DENND1B: variants seen among roughly 807,000 people sequenced by gnomAD.
DENND1B encodes DENN domain-containing protein 1B.
Under a neutral mutation model 90.1 loss-of-function variants are expected in DENND1B, and 59 were observed. That is an observed-to-expected ratio of 0.65 (90% CI 0.53 to 0.81). The LOEUF (loss-of-function observed/expected upper bound fraction) is 0.81, where lower values mean the gene tolerates loss of function less well. Among genes scored for constraint, DENND1B ranks in the 40% least tolerant of loss-of-function variants. DENND1B has a pLI of 0.00. For missense variants in DENND1B, 862 were observed against 912.6 expected, an observed-to-expected ratio of 0.94 and a Z score of 0.71; for synonymous variants, 337 against 324.6, an observed-to-expected ratio of 1.04 and a Z score of -0.41.
At chr1:197,611,475 T>C (rs1251798078) in intron 12 of DENND1B, among the ~76,000 whole-genome samples, 1 of 150,826 alleles carries the variant, frequency 6.6e-6, no homozygotes, top group African/African-American at 2.4e-5. Flanking sequence ...CTAAAGTTCA[T>C]GATTAGTATA....
chr1:197,780,911 T>A, the DENND1B span, among the ~76,000 whole-genome samples: 1 of 152,092 alleles, frequency 6.6e-6, no homozygotes, highest in Non-Finnish European at 1.5e-5. Flanking sequence ...GAAACCCAAG[T>A]TCAGGGCTTT....
At chr1:197,776,339 T>C (rs1657267660), upstream of DENND1B, among the ~76,000 whole-genome samples, 1 of 152,206 alleles carries the variant, frequency 6.6e-6, no homozygotes. Flanking sequence ...TGATGCTGAT[T>C]ATTTACTTCT....
At chr1:197,625,697 C>G (rs1037610043) in intron 10 of DENND1B, among the ~76,000 whole-genome samples, 2 of 152,000 alleles carry the variant, frequency 1.3e-5, no homozygotes, top group Non-Finnish European at 2.9e-5. Flanking sequence ...ACTAAATGCT[C>G]CAATTAAAAG....
chr1:197,742,552 A>T (rs943206118), intron 2 of DENND1B, among the ~76,000 whole-genome samples: 11 of 152,170 alleles, frequency 7.2e-5, no homozygotes, highest in African/African-American at 2.7e-4. Context: ...AACAATGTAA[A>T]ATAAAGTAAA....
chr1:197,516,404 T>C (rs150807720), intron 20 of DENND1B, among the ~76,000 whole-genome samples: 81 of 151,898 alleles, frequency 5.3e-4, no homozygotes, highest in African/African-American at 1.7e-3. Context: ...TTCTACATAA[T>C]TGTGTTAAGG....
intron 5 of DENND1B, among the ~76,000 whole-genome samples, chr1:197,670,445 G>GTGTGTGTGTGTGTGTGTGTGTGTT (rs1269533880): frequency 1.4e-5 from 2 of 143,706 alleles, no homozygotes; most frequent in African/African-American, 5.1e-5. Flanking sequence ...GGGGAAGACT[G>GTGTGTGTGTGTGTGTGTGTGTGTT]TGTGTGTGTG....
At chr1:197,600,349 C>T (rs1397391244) in intron 13 of DENND1B, among the ~76,000 whole-genome samples, 2 of 151,836 alleles carry the variant, frequency 1.3e-5, no homozygotes, top group Non-Finnish European at 2.9e-5. Flanking sequence ...TAGTTTCCAA[C>T]ATCCCTTGGA....
At chr1:197,766,796 T>C (rs1174414698) in intron 2 of DENND1B, among the ~76,000 whole-genome samples, 1 of 152,138 alleles carries the variant, frequency 6.6e-6, no homozygotes, top group Admixed American at 6.5e-5. Context: ...TATTTTTATT[T>C]TTTATTTTTT....
intron 15 of DENND1B, among the ~76,000 whole-genome samples, chr1:197,569,724 TAA>T (rs1261755258): frequency 6.6e-6 from 1 of 151,976 alleles, no homozygotes; most frequent in Admixed American, 6.6e-5. Flanking sequence ...ATGATTTCAC[TAA>T]AAAAGTCAAA....
At chr1:197,724,654 A>C (rs1661467769) in intron 2 of DENND1B, among the ~76,000 whole-genome samples, 1 of 152,194 alleles carries the variant, frequency 6.6e-6, no homozygotes. Flanking sequence ...AATGGAATTA[A>C]GATACTAATT....
chr1:197,514,321 G>GTGA (rs1468233673), intron 20 of DENND1B, among the ~76,000 whole-genome samples: 1 of 151,552 alleles, frequency 6.6e-6, no homozygotes, highest in Non-Finnish European at 1.5e-5. Context: ...AATTTTGAGA[G>GTGA]TGATGAGCTA....
chr1:197,732,246 G>C (rs2488398), intron 2 of DENND1B, among the ~76,000 whole-genome samples: 34,259 of 152,036 alleles, frequency 0.23, 4,151 homozygotes, highest in Middle Eastern at 0.33. Flanking sequence ...CTAATTATTA[G>C]TTCAAAACTT....
At chr1:197,658,739 C>A (rs1261995218) in intron 5 of DENND1B, among the ~76,000 whole-genome samples, 1 of 151,126 alleles carries the variant, frequency 6.6e-6, no homozygotes, top group Non-Finnish European at 1.5e-5. Flanking sequence ...TCAAAAATAT[C>A]TCCTTTTAAT....
At chr1:197,538,793 A>T (rs1188879993) in intron 20 of DENND1B, among the ~76,000 whole-genome samples, 3 of 149,788 alleles carry the variant, frequency 2.0e-5, no homozygotes, top group Non-Finnish European at 4.4e-5. Flanking sequence ...TTTAATTGCC[A>T]TTGTAATGGT....
chr1:197,607,417 C>A (rs1245315581), intron 12 of DENND1B, among the ~76,000 whole-genome samples: 1 of 150,748 alleles, frequency 6.6e-6, no homozygotes, highest in African/African-American at 2.4e-5. Flanking sequence ...TTAAACATAA[C>A]TACAACAAAA....
At chr1:197,678,710 C>T (rs1656340493) in intron 3 of DENND1B, among the ~76,000 whole-genome samples, 1 of 152,130 alleles carries the variant, frequency 6.6e-6, no homozygotes, top group Non-Finnish European at 1.5e-5. Context: ...ATTAATTTGT[C>T]AAATTACAGA....
At chr1:197,704,184 G>A (rs1279068178) in intron 3 of DENND1B, among the ~76,000 whole-genome samples, 29 of 152,066 alleles carry the variant, frequency 1.9e-4, no homozygotes, top group Admixed American at 1.8e-3. Flanking sequence ...TGGGAGGATC[G>A]CTTCAGTCTG....
intron 20 of DENND1B, among the ~76,000 whole-genome samples, chr1:197,516,511 A>G (rs1212625755): frequency 6.6e-6 from 1 of 151,782 alleles, no homozygotes; most frequent in East Asian, 1.9e-4. Context: ...CTGGGTCCAT[A>G]CAAGCTCAGC....
intron 2 of DENND1B, among the ~76,000 whole-genome samples, chr1:197,733,069 A>G (rs1662298354): frequency 6.6e-6 from 1 of 152,146 alleles, no homozygotes; most frequent in South Asian, 2.1e-4. Flanking sequence ...AAATTGGGGA[A>G]AAAAACAATG....
Sources: gnomAD v4.1 joint callset for allele counts (sites outside exome capture counted in the v4.1 genomes callset) on GRCh38, gnomAD v4.1.1 for gene constraint, MANE v1.5 for transcripts, NCBI Gene and HGNC (gene_info 2026-07-23, HGNC 2026-07-21) for gene names.